SPIDR: variants seen among roughly 807,000 people sequenced by gnomAD.
SPIDR encodes DNA repair-scaffolding protein.
SPIDR carries 93 observed loss-of-function variants against 104.6 expected under a neutral mutation model. The observed-to-expected ratio is 0.89, with a 90% confidence interval of 0.75 to 1.06. The LOEUF (loss-of-function observed/expected upper bound fraction) is 1.06, where lower values mean the gene tolerates loss of function less well. SPIDR is among the 50% of genes least tolerant of loss of function. The pLI is 0.00. For missense variants in SPIDR, 1,154 were observed against 1,111.2 expected, an observed-to-expected ratio of 1.04 and a Z score of -0.55; for synonymous variants, 431 against 416.9, an observed-to-expected ratio of 1.03 and a Z score of -0.41.
intron 12 of SPIDR, among the ~76,000 whole-genome samples, chr8:47,700,988 G>A (rs2080095177): frequency 6.6e-6 from 1 of 152,170 alleles, no homozygotes; most frequent in Non-Finnish European, 1.5e-5. Context: ...GATGGAAAGT[G>A]TTCCCTCCTC....
intron 11 of SPIDR, among the ~76,000 whole-genome samples, chr8:47,691,407 A>C (rs907952105): frequency 6.6e-6 from 1 of 152,090 alleles, no homozygotes; most frequent in Non-Finnish European, 1.5e-5. Context: ...TTCATAGGCT[A>C]TTCTTAGCGG....
intron 8 of SPIDR, among the ~76,000 whole-genome samples, chr8:47,575,608 C>T (rs1168816355): frequency 4.2e-5 from 6 of 143,310 alleles, no homozygotes; most frequent in African/African-American, 1.6e-4. Context: ...GATCGCGCCA[C>T]TGCACTCCAG....
intron 8 of SPIDR, among the ~76,000 whole-genome samples, chr8:47,476,878 A>G (rs1256164976): frequency 6.6e-6 from 1 of 152,238 alleles, no homozygotes; most frequent in Non-Finnish European, 1.5e-5. Flanking sequence ...AAACAGCAAT[A>G]TCTGGTAGTG....
chr8:47,718,427 A>T (rs987895297), intron 16 of SPIDR, among the ~76,000 whole-genome samples: 1 of 151,962 alleles, frequency 6.6e-6, no homozygotes, highest in Admixed American at 6.6e-5. Flanking sequence ...AACGTTTCTG[A>T]CTAAGCCAGT....
At chr8:47,662,329 G>A (rs902863586) in intron 10 of SPIDR, among the ~76,000 whole-genome samples, 2 of 152,082 alleles carry the variant, frequency 1.3e-5, no homozygotes, top group South Asian at 2.1e-4. Context: ...GTGCTACCGG[G>A]GTTGCAAGTT....
At chr8:47,732,272 AGG>A (rs1236684509) in intron 19 of SPIDR, 1 of 696,778 alleles carries the variant, frequency 1.4e-6, no homozygotes, top group African/African-American at 1.7e-5. Flanking sequence ...AAGAGCTCAA[AGG>A]TGTGTGTACC....
At chr8:47,461,121 C>T (rs184030772) in intron 8 of SPIDR, among the ~76,000 whole-genome samples, 1 of 152,298 alleles carries the variant, frequency 6.6e-6, no homozygotes, top group Non-Finnish European at 1.5e-5. Context: ...AACCTGATGA[C>T]AGTATGCCTA....
At chr8:47,435,326 C>CTG (rs4021912) in intron 7 of SPIDR, among the ~76,000 whole-genome samples, 21,079 of 146,324 alleles carry the variant, frequency 0.14, 2,292 homozygotes, top group African/African-American at 0.32. Flanking sequence ...TTGCTCAGAT[C>CTG]TGTGTGTGTG....
intron 5 of SPIDR, among the ~76,000 whole-genome samples, chr8:47,309,636 T>C (rs1563560285): frequency 1.3e-5 from 2 of 152,212 alleles, no homozygotes; most frequent in African/African-American, 4.8e-5. Context: ...ATTCCCCTCT[T>C]TCTTCTCCAT....
chr8:47,486,753 C>T (rs543679164), intron 8 of SPIDR, among the ~76,000 whole-genome samples: 9 of 152,274 alleles, frequency 5.9e-5, no homozygotes, highest in East Asian at 3.9e-4. Context: ...CCAAACTACG[C>T]TTCATAAGTG....
intron 10 of SPIDR, among the ~76,000 whole-genome samples, chr8:47,612,961 T>C (rs1199644013): frequency 1.3e-5 from 2 of 152,238 alleles, no homozygotes; most frequent in African/African-American, 4.8e-5. Flanking sequence ...ATGTGAATTG[T>C]ATGTGTATGT....
chr8:47,608,805 C>T (rs1009763739), intron 10 of SPIDR, among the ~76,000 whole-genome samples: 3 of 152,240 alleles, frequency 2.0e-5, no homozygotes, highest in African/African-American at 7.2e-5. Flanking sequence ...CTCACTGCAA[C>T]CTCGGCCTCC....
intron 5 of SPIDR, among the ~76,000 whole-genome samples, chr8:47,349,352 G>C (rs2052919725): frequency 6.6e-6 from 1 of 152,208 alleles, no homozygotes. Flanking sequence ...TCGTCTCAGA[G>C]GGGCACCCGG....
intron 10 of SPIDR, among the ~76,000 whole-genome samples, chr8:47,647,333 G>A (rs190552081): frequency 6.6e-6 from 1 of 152,258 alleles, no homozygotes; most frequent in African/African-American, 2.4e-5. Flanking sequence ...AAGAAAGTAA[G>A]CCCAGGCGCA....
chr8:47,352,789 CG>C (rs1307736595), intron 5 of SPIDR, among the ~76,000 whole-genome samples: 1 of 152,044 alleles, frequency 6.6e-6, no homozygotes, highest in Non-Finnish European at 1.5e-5. Context: ...TTCTGCCAGG[CG>C]TGGTGGCTCA....
At chr8:47,565,393 A>G (rs2057662643) in intron 8 of SPIDR, among the ~76,000 whole-genome samples, 1 of 152,224 alleles carries the variant, frequency 6.6e-6, no homozygotes, top group Non-Finnish European at 1.5e-5. Context: ...AAGTATATCT[A>G]AGGAAATTCT....
intron 8 of SPIDR, among the ~76,000 whole-genome samples, chr8:47,574,152 C>G (rs916580434): frequency 6.6e-6 from 1 of 152,154 alleles, no homozygotes; most frequent in Non-Finnish European, 1.5e-5. Flanking sequence ...CTTGGTCTTA[C>G]TTTGTTGATT....
At chr8:47,297,925 C>T (rs2041203421) in intron 5 of SPIDR, among the ~76,000 whole-genome samples, 1 of 152,174 alleles carries the variant, frequency 6.6e-6, no homozygotes, top group Non-Finnish European at 1.5e-5. Flanking sequence ...CGTACGTGGG[C>T]ATGTGTCTTC....
rs571925044 is a variant in SPIDR at position 47,500,050 on chromosome 8, C to T, written c.1097+59508C>T. ...CTTAATCCAGTCTATCATTGATGGACGTTTGGGTTGGTTCCAAGTCTTTGC... is the reference window on the plus strand; with the variant it reads ...CTTAATCCAGTCTATCATTGATGGATGTTTGGGTTGGTTCCAAGTCTTTGC... On this transcript the variant is annotated intron_variant, in intron 8 of 19. Transcript: ENST00000297423. 1.9e-3 allele frequency among the ~76,000 whole-genome samples: 292 copies of T among 152,238 alleles called. 1 individual carries two copies. The highest frequency in any genetic ancestry group is 2.3e-3 in the Non-Finnish European group (154 of 68,034).
Sources: gnomAD v4.1 joint callset for allele counts (sites outside exome capture counted in the v4.1 genomes callset) on GRCh38, gnomAD v4.1.1 for gene constraint, MANE v1.5 for transcripts, NCBI Gene and HGNC (gene_info 2026-07-23, HGNC 2026-07-21) for gene names.